The following RBM27 variants were observed in gnomAD, a reference collection of about 807,000 sequenced individuals.
RBM27 encodes RNA binding motif protein 27, also known as RNA-binding protein 27.
Under a neutral mutation model 135.3 loss-of-function variants are expected in RBM27, and 22 were observed. The ratio of observed to expected loss-of-function variants is 0.16; its 90% CI spans 0.12 to 0.23. The LOEUF (loss-of-function observed/expected upper bound fraction) is 0.23. RBM27 is among the 10% of genes least tolerant of loss of function. The pLI is 1.00. For missense variants in RBM27, 1,009 were observed against 1,281.0 expected (o/e 0.79, Z 3.24); for synonymous variants, 481 against 442.4 (o/e 1.09, Z -1.10).
intron 7 of RBM27, among the ~76,000 whole-genome samples, chr5:146,234,463 A>C (rs1221392378): frequency 6.6e-6 from 1 of 151,834 alleles, no homozygotes; most frequent in Admixed American, 6.6e-5. Flanking sequence ...TCACTTCACC[A>C]GTATGTACTT....
chr5:146,251,977 C>T (rs1009260688), intron 9 of RBM27, 102 bp downstream of exon 9: 28 of 1,270,122 alleles, frequency 2.2e-5, no homozygotes, highest in Non-Finnish European at 3.1e-5. Context: ...GTTACAAAGT[C>T]CCATTAAAGC....
At chr5:146,215,525 T>C (rs1053742425) in intron 1 of RBM27, among the ~76,000 whole-genome samples, 1 of 152,190 alleles carries the variant, frequency 6.6e-6, no homozygotes, top group Non-Finnish European at 1.5e-5. Context: ...TCCATTCTTA[T>C]TTATTTTTCT....
chr5:146,207,289 C>T (rs895166660), intron 1 of RBM27, among the ~76,000 whole-genome samples: 1 of 152,094 alleles, frequency 6.6e-6, no homozygotes, highest in Non-Finnish European at 1.5e-5. Flanking sequence ...GTGGCACTCA[C>T]TGCAACCTCT....
At chr5:146,206,946 G>A (rs1755708205) in intron 1 of RBM27, among the ~76,000 whole-genome samples, 1 of 152,116 alleles carries the variant, frequency 6.6e-6, no homozygotes, top group African/African-American at 2.4e-5. Flanking sequence ...TAATAAAAAA[G>A]TAAATGCAGA....
intron 15 of RBM27, among the ~76,000 whole-genome samples, chr5:146,268,469 C>T (rs1282036751): frequency 6.6e-6 from 1 of 152,040 alleles, no homozygotes; most frequent in Non-Finnish European, 1.5e-5. Context: ...CTTGAACTCC[C>T]AACCTCAGGT....
chr5:146,230,185 A>T (rs946592181), intron 5 of RBM27, among the ~76,000 whole-genome samples: 1 of 152,204 alleles, frequency 6.6e-6, no homozygotes, highest in Non-Finnish European at 1.5e-5. Flanking sequence ...AATATCCTTT[A>T]ATCAATAAAG....
intron 8 of RBM27, among the ~76,000 whole-genome samples, chr5:146,250,533 A>T (rs1757838864): frequency 6.6e-6 from 1 of 152,028 alleles, no homozygotes; most frequent in Non-Finnish European, 1.5e-5. Context: ...TATGTCTCAA[A>T]TGGGGTTGTC....
rs1348475368 is a variant in RBM27 at position 146,251,714 on chromosome 5, A to G, written c.1283A>G (p.Gln428Arg). The change falls in exon 9 of 21, where the codon CAG becomes CGG. Residue 428 changes from glutamine to arginine, a missense_variant. Gln to Arg is a conservative substitution (Grantham distance 43). This residue lies in a region of RBM27 where 329 missense variants were observed against 368.1 expected (regional missense o/e 0.89). Coordinates refer to ENST00000265271, the MANE Select transcript of RBM27 (RefSeq NM_018989.2). Reference protein sequence around the residue: ...QNLLYTVSERQPMYSREHGAA... With the variant: ...QNLLYTVSERRPMYSREHGAA... ...CCTCCTATTCTTTCCTCTATAGGAC[A>G]GCCCATGTACTCTCGTGAACATGGT... 6.2e-7 allele frequency: 1 copy of G among 1,607,996 alleles called. No homozygotes were observed. The highest frequency in any genetic ancestry group is 1.1e-5 in the South Asian group (1 of 90,944).
chr5:146,276,021 C>G (rs780338150), intron 19 of RBM27, among the ~76,000 whole-genome samples: 3 of 152,094 alleles, frequency 2.0e-5, no homozygotes, highest in Admixed American at 6.6e-5. Context: ...CTTGCCTTGA[C>G]CTCCCAAAAT....
rs199710537 is a variant in RBM27, at chr5:146,229,684, C to G, written c.396-33C>G. On this transcript the variant is annotated intron_variant, in intron 4 of 20. Transcript: ENST00000265271. ...TTGTTTGCAGACTTGGTTTCTATAG[C>G]CTGCATATGGCTTTTATATCTGTAT... The G allele has an allele frequency of 1.4e-5, 21 of 1,521,678 alleles. No homozygotes were observed. The East Asian group carries it at 4.7e-4, about 34-fold the overall frequency. The allele number at this position is 1,521,678 out of a possible 1,614,324, so 94.3% of individuals were successfully genotyped here.
chr5:146,277,852 G>A (rs1049429084), intron 19 of RBM27, among the ~76,000 whole-genome samples: 1 of 151,798 alleles, frequency 6.6e-6, no homozygotes, highest in Non-Finnish European at 1.5e-5. Flanking sequence ...TCATTATGTG[G>A]GACAGTGCTG....
chr5:146,271,784 T>TA (rs1758877115), intron 19 of RBM27, 110 bp downstream of exon 19: 3 of 979,204 alleles, frequency 3.1e-6, no homozygotes, highest in African/African-American at 3.3e-5. Flanking sequence ...AAATTAGTTG[T>TA]AAAAAACATG....
At chr5:146,224,835 T>C (rs530589922) in intron 3 of RBM27, among the ~76,000 whole-genome samples, 2 of 152,268 alleles carry the variant, frequency 1.3e-5, no homozygotes, top group African/African-American at 4.8e-5. Flanking sequence ...TCTGGGGTTA[T>C]AGGTGGTCTA....
chr5:146,247,701 ATT>A (rs1024862205), intron 8 of RBM27, among the ~76,000 whole-genome samples: 5 of 152,230 alleles, frequency 3.3e-5, no homozygotes, highest in African/African-American at 4.8e-5. Context: ...ATAAAATTCA[ATT>A]TTTTTCTTTT....
intron 19 of RBM27, among the ~76,000 whole-genome samples, chr5:146,284,306 A>C (rs944728633): frequency 6.6e-5 from 10 of 152,154 alleles, no homozygotes; most frequent in African/African-American, 2.2e-4. Flanking sequence ...CTGTATTAAG[A>C]ATATTTCTTG....
intron 1 of RBM27, among the ~76,000 whole-genome samples, chr5:146,207,958 T>TTG (rs1302460949): frequency 2.1e-5 from 3 of 142,806 alleles, no homozygotes; most frequent in Admixed American, 7.0e-5. Flanking sequence ...CAGGTTTTTT[T>TTG]TTTTTTTTTT....
Position 146,260,832 on chromosome 5 carries a change from G to A in RBM27, c.1827G>A (p.Gln609=), listed in dbSNP as rs1327690214. 1 of 1,613,624 alleles carries A rather than the reference G, an allele frequency of 6.2e-7. No homozygotes were observed. Among genetic ancestry groups the A allele is most frequent in the Non-Finnish European group, 8.5e-7 (1 of 1,179,838 alleles). The change falls in exon 12 of 21, where the codon CAG becomes CAA. Residue 609 remains glutamine, a synonymous_variant. Transcript: ENST00000265271. ...NTKLEVKKIP[Q]ELNNITKLNE... is the part of the protein sequence containing the mutation. ...AATTAGAAGTCAAGAAAATCCCTCA[G>A]GAATTGAACAACATTACCAAGCTCA...
intron 8 of RBM27, among the ~76,000 whole-genome samples, chr5:146,250,107 A>C (rs980258846): frequency 1.3e-5 from 2 of 152,170 alleles, no homozygotes; most frequent in Non-Finnish European, 2.9e-5. Flanking sequence ...ATTAAGGTGC[A>C]TTTAAAATCT....
At chr5:146,266,173 A>G (rs1758608419) in intron 14 of RBM27, among the ~76,000 whole-genome samples, 1 of 152,060 alleles carries the variant, frequency 6.6e-6, no homozygotes, top group African/African-American at 2.4e-5. Context: ...GTCAAAGAGA[A>G]AAACAAATCT....
Sources: gnomAD v4.1 joint callset for allele counts (sites outside exome capture counted in the v4.1 genomes callset) on GRCh38, gnomAD v4.1.1 for gene constraint, gnomAD v4.1.1 regional missense constraint, MANE v1.5 for transcripts, NCBI Gene and HGNC (gene_info 2026-07-23, HGNC 2026-07-21) for gene names.